VCAN: variants seen among roughly 807,000 people sequenced by gnomAD.
The protein encoded by VCAN is versican core protein.
In VCAN, 44 loss-of-function variants were observed where a neutral mutation model predicts 245.5. That is an observed-to-expected ratio of 0.18 (90% CI 0.14 to 0.23). The LOEUF is 0.23. VCAN is among the 10% of genes least tolerant of loss of function. The pLI is 1.00. For missense variants in VCAN, 3,793 were observed against 4,057.9 expected, an observed-to-expected ratio of 0.93 and a Z score of 1.77; for synonymous variants, 1,413 against 1,437.0, an observed-to-expected ratio of 0.98 and a Z score of 0.38.
At chr5:83,557,344 A>G (rs961883489) in intron 12 of VCAN, among the ~76,000 whole-genome samples, 1 of 152,106 alleles carries the variant, frequency 6.6e-6, no homozygotes, top group Non-Finnish European at 1.5e-5. Context: ...TCACCTCTTC[A>G]AAGAAGTAAT....
At position 83,483,603 on chromosome 5, in the gene VCAN, A is replaced by C. The variant is rs773782279; in HGVS notation, c.70+15A>C. ...GCTACATAAAGGTGAGTGTGCTAAC[A>C]ATTTCTTTGGTGTTAATTGAAATAA... On this transcript the variant is annotated intron_variant, in intron 2 of 14. Transcript: ENST00000265077. 2.5e-6 allele frequency: 4 copies of C among 1,610,422 alleles called. No individual in the cohort carries two copies. Among genetic ancestry groups the C allele is most frequent in the East Asian group, 2.2e-5 (1 of 44,754 alleles).
Position 83,493,741 on chromosome 5 carries a change from A to T in VCAN, c.620+21A>T, listed in dbSNP as rs953147880. On this transcript the variant is annotated intron_variant, in intron 4 of 14. Coordinates refer to ENST00000265077, the MANE Select transcript of VCAN (RefSeq NM_004385.5). ...GTCAGGTAAGAGGTCTGGGGGCCAC[A>T]GGCTTCATTATTAACTTGAGAGTGA... is the stretch of plus-strand genomic sequence containing the variant. 3.7e-6 allele frequency: 6 copies of T among 1,614,052 alleles called. No individual in the cohort carries two copies. The African/African-American group carries it at 6.7e-5, about 18-fold the overall frequency.
At chr5:83,575,172 T>C (rs1748426687) in intron 13 of VCAN, among the ~76,000 whole-genome samples, 1 of 152,150 alleles carries the variant, frequency 6.6e-6, no homozygotes, top group Non-Finnish European at 1.5e-5. Flanking sequence ...ACCCCAATAA[T>C]GAGAAATTCT....
chr5:83,508,416 A>G (rs963421181), intron 5 of VCAN, among the ~76,000 whole-genome samples: 5 of 152,222 alleles, frequency 3.3e-5, no homozygotes, highest in African/African-American at 2.4e-5. Context: ...TGATACATGG[A>G]AAGGACAGAA....
In VCAN at chr5:83,541,197, G is replaced by A. The variant is rs1273079508; in HGVS notation, c.8194G>A (p.Ala2732Thr). The A allele has an allele frequency of 1.2e-6, 2 of 1,613,958 alleles. No homozygotes were observed. Among genetic ancestry groups the A allele is most frequent in the African/African-American group, 2.7e-5 (2 of 75,044 alleles). The change falls in exon 8 of 15, where the codon GCA becomes ACA. Residue 2732 changes from alanine to threonine, a missense_variant. Coordinates refer to ENST00000265077, the MANE Select transcript of VCAN (RefSeq NM_004385.5). The part of the protein sequence containing the change: ...SSTLSDGQAI[A>T]DQSEIIPTLG... ...CACTTTGTCTGATGGTCAAGCTATT[G>A]CAGACCAAAGTGAAATAATACCAAC...
chr5:83,545,304 A>G (rs1280654471), intron 8 of VCAN, among the ~76,000 whole-genome samples: 1 of 152,226 alleles, frequency 6.6e-6, no homozygotes, highest in Admixed American at 6.5e-5. Flanking sequence ...AATATCATTT[A>G]AGAGTAATCG....
chr5:83,550,121 G>A (rs1747404106), intron 10 of VCAN, among the ~76,000 whole-genome samples: 1 of 152,224 alleles, frequency 6.6e-6, no homozygotes, highest in Non-Finnish European at 1.5e-5. Flanking sequence ...GCCAAAGTCA[G>A]TGATACAGCT....
chr5:83,471,827 G>T lies in VCAN; in HGVS notation c.-203G>T. On this transcript the variant is annotated 5_prime_UTR_variant, in exon 1 of 15. Coordinates refer to ENST00000265077, the MANE Select transcript of VCAN (RefSeq NM_004385.5). Reference sequence around the variant, plus strand: ...CGGACGCAACAGCCGAGAACATTAGGTGTTGTGGACAGGAGCTGGGACCAA... The same window carrying T: ...CGGACGCAACAGCCGAGAACATTAGTTGTTGTGGACAGGAGCTGGGACCAA... The T allele has an allele frequency of 2.5e-6, 1 of 398,462 alleles. No homozygotes were observed. The highest frequency in any genetic ancestry group is 4.4e-6 in the Non-Finnish European group (1 of 226,022). The allele number at this position is 398,462 out of a possible 1,614,324, so 24.7% of individuals were successfully genotyped here.
intron 5 of VCAN, among the ~76,000 whole-genome samples, chr5:83,511,687 G>A (rs1191909392): frequency 6.6e-6 from 1 of 151,970 alleles, no homozygotes; most frequent in Admixed American, 6.5e-5. Flanking sequence ...TAACCGTGGT[G>A]GCAGTTCAAT....
At position 83,540,167 on chromosome 5, in the gene VCAN, A is replaced by G. The variant is rs1474549588; in HGVS notation, c.7164A>G (p.Thr2388=). ...AAGACTCTAACAAGAATTCTTCAAC[A>G]GCAGAAATTAACGAAACAACAACCT... is the stretch of plus-strand genomic sequence containing the variant. The part of the protein sequence containing the change: ...TEQDSNKNSS[T]AEINETTTSS... The change falls in exon 8 of 15, where the codon ACA becomes ACG. Residue 2388 remains threonine, a synonymous_variant. Transcript: ENST00000265077. 1 of 1,613,960 alleles carries G rather than the reference A, an allele frequency of 6.2e-7. No homozygotes were observed. Among genetic ancestry groups the G allele is most frequent in the Admixed American group, 1.7e-5 (1 of 59,948 alleles).
chr5:83,486,054 T>A (rs922924608), intron 2 of VCAN, among the ~76,000 whole-genome samples: 3 of 151,946 alleles, frequency 2.0e-5, no homozygotes, highest in African/African-American at 7.3e-5. Flanking sequence ...GAATTGTTGA[T>A]CACAGGGGGT....
At chr5:83,551,355 T>TA (rs1331548721) in intron 10 of VCAN, among the ~76,000 whole-genome samples, 2 of 151,498 alleles carry the variant, frequency 1.3e-5, no homozygotes, top group African/African-American at 4.9e-5. Flanking sequence ...CACCAAAAAA[T>TA]ACAAAAATTA....
chr5:83,540,088 C>A lies in VCAN; in HGVS notation c.7085C>A (p.Thr2362Asn), dbSNP rs372717498. The change falls in exon 8 of 15, where the codon ACT becomes AAT. Residue 2362 changes from threonine to asparagine, a missense_variant. Thr to Asn is a moderately conservative substitution (Grantham distance 65). Coordinates refer to ENST00000265077, the MANE Select transcript of VCAN (RefSeq NM_004385.5). ...GACATCGGACATCCTCAAAATCAGA[C>A]TGTCAGGTGGGCAGAAGAAATCCAG... ...STDIGHPQNQ[T>N]VRWAEEIQTS... 1 of 1,613,922 alleles carries A rather than the reference C, an allele frequency of 6.2e-7. No individual in the cohort carries two copies. Among genetic ancestry groups the A allele is most frequent in the Non-Finnish European group, 8.5e-7 (1 of 1,179,984 alleles).
intron 12 of VCAN, among the ~76,000 whole-genome samples, chr5:83,560,254 A>G (rs1355582155): frequency 1.3e-5 from 2 of 152,176 alleles, no homozygotes; most frequent in Non-Finnish European, 2.9e-5. Flanking sequence ...TTAAGAAACC[A>G]ACAATTACTC....
At chr5:83,513,308 A>G (rs1160525600) in intron 6 of VCAN, among the ~76,000 whole-genome samples, 1 of 152,218 alleles carries the variant, frequency 6.6e-6, no homozygotes, top group Non-Finnish European at 1.5e-5. Flanking sequence ...AAATTTGTAA[A>G]CAACTTTGAC....
intron 10 of VCAN, among the ~76,000 whole-genome samples, chr5:83,551,961 G>A (rs1461720833): frequency 6.6e-6 from 1 of 152,128 alleles, no homozygotes; most frequent in African/African-American, 2.4e-5. Flanking sequence ...ATGAGACTTG[G>A]TGATCTCCAA....
Position 83,547,972 on chromosome 5 carries a change from T to G in VCAN, c.9381T>G (p.Asp3127Glu). 1 of 1,609,938 alleles carries G rather than the reference T, an allele frequency of 6.2e-7. No individual in the cohort carries two copies. The highest frequency in any genetic ancestry group is 1.7e-4 in the Middle Eastern group (1 of 6,052). ...PGYSGDQCEL[D>E]FDECHSNPCR... ...TGAGCTTTTACTATTTTGTTTCAGA[T>G]TTTGATGAATGTCACTCTAATCCCT... The change falls in exon 10 of 15, where the codon GAT becomes GAG. Residue 3127 changes from aspartate (D) to glutamate (E), a missense_variant and splice_region_variant. Asp to Glu is a conservative substitution (Grantham distance 45). Coordinates refer to ENST00000265077, the MANE Select transcript of VCAN (RefSeq NM_004385.5).
chr5:83,564,777 C>G (rs1748011184), intron 12 of VCAN, among the ~76,000 whole-genome samples: 1 of 151,540 alleles, frequency 6.6e-6, no homozygotes, highest in Admixed American at 6.6e-5. Context: ...GAAAAACTCC[C>G]AAATTATAGT....
Position 83,521,940 on chromosome 5 carries a change from A to C in VCAN, c.3634A>C (p.Ser1212Arg), listed in dbSNP as rs750242480. ...TVPSDITTAF[S>R]SVDRLHTTSA... is the part of the protein sequence containing the mutation. ...TCCAAGTGATATTACCACTGCCTTC[A>C]GTTCAGTAGACAGACTTCACACAAC... The change falls in exon 7 of 15, where the codon AGT becomes CGT. Residue 1212 changes from serine to arginine, a missense_variant. By Grantham distance (110) the Ser-to-Arg change is moderately radical (BLOSUM62 -1). Around this residue, in one of 5 missense-constraint regions of VCAN, gnomAD observed 3,182 missense variants for 3,250.3 expected, o/e 0.98. Coordinates refer to ENST00000265077, the MANE Select transcript of VCAN (RefSeq NM_004385.5). The C allele has an allele frequency of 6.2e-7, 1 of 1,614,106 alleles. No individual in the cohort carries two copies. Among genetic ancestry groups the C allele is most frequent in the East Asian group, 2.2e-5 (1 of 44,898 alleles).
Sources: allele counts gnomAD v4.1 joint callset (sites outside exome capture counted in the v4.1 genomes callset), GRCh38; gene constraint gnomAD v4.1.1; regional missense constraint gnomAD v4.1.1; transcripts MANE v1.5; gene names NCBI Gene and HGNC (gene_info 2026-07-23, HGNC 2026-07-21).